CDK17: variants seen among roughly 807,000 people sequenced by gnomAD.
CDK17 encodes cyclin dependent kinase 17.
CDK17 carries 24 observed loss-of-function variants against 77.6 expected under a neutral mutation model. The observed-to-expected ratio is 0.31, with a 90% CI of 0.22 to 0.44. The LOEUF (loss-of-function observed/expected upper bound fraction) is 0.44. Among genes scored for constraint, CDK17 ranks in the 20% least tolerant of loss-of-function variants. CDK17 has a pLI of 1.00. For synonymous variants in CDK17, 203 were observed against 210.4 expected (o/e 0.96, Z 0.30); for missense variants, 429 against 622.5 (o/e 0.69, Z 3.31).
At chr12:96,382,092 ATC>A in intron 1 of CDK17, among the ~76,000 whole-genome samples, 2 of 151,796 alleles carry the variant, frequency 1.3e-5, no homozygotes, top group East Asian at 1.9e-4. Context: ...CTAGACATCT[ATC>A]TACCCTAAGG....
chr12:96,333,034 C>T (rs1172079390), intron 2 of CDK17, among the ~76,000 whole-genome samples: 2 of 152,020 alleles, frequency 1.3e-5, no homozygotes, highest in African/African-American at 2.4e-5. Context: ...CAGAAACCAA[C>T]CACTAAGATA....
At chr12:96,340,454 G>C (rs1486007983) in intron 1 of CDK17, among the ~76,000 whole-genome samples, 1 of 151,894 alleles carries the variant, frequency 6.6e-6, no homozygotes, top group East Asian at 1.9e-4. Flanking sequence ...TTAATCTGTG[G>C]TATAATTGTA....
intron 5 of CDK17, among the ~76,000 whole-genome samples, chr12:96,304,405 T>G (rs1040183600): frequency 6.6e-6 from 1 of 152,002 alleles, no homozygotes; most frequent in Non-Finnish European, 1.5e-5. Context: ...GGTGTGGTGG[T>G]GCATACCTAT....
Position 96,400,122 on chromosome 12 carries a change from G to A in CDK17, c.-166C>T, listed in dbSNP as rs1954236964. On this transcript the variant is annotated 5_prime_UTR_variant, in exon 1 of 17. Coordinates refer to ENST00000261211, the MANE Select transcript of CDK17 (RefSeq NM_002595.5). ...CAGACGTGAGGCGCTTCCGAGCGCA[G>A]GCCTCCGCCGCCACAGCCGCCTTCC... 2.5e-6 allele frequency: 1 copy of A among 393,152 alleles called. No homozygotes were observed. Among genetic ancestry groups the A allele is most frequent in the South Asian group, 1.3e-4 (1 of 7,758 alleles). 24.4% of individuals were successfully genotyped at this position (393,152 alleles called of 1,614,324 possible).
intron 1 of CDK17, among the ~76,000 whole-genome samples, chr12:96,379,369 A>AC (rs1186685667): frequency 2.6e-5 from 4 of 152,216 alleles, no homozygotes; most frequent in Non-Finnish European, 5.9e-5. Context: ...TCTTGATTAT[A>AC]AGATATGCTG....
intron 1 of CDK17, among the ~76,000 whole-genome samples, chr12:96,345,857 C>A (rs1953201890): frequency 1.3e-5 from 2 of 151,610 alleles, no homozygotes; most frequent in African/African-American, 2.4e-5. Context: ...AATAAAAGGG[C>A]AAAAATAAAA....
At chr12:96,368,005 C>T (rs1156829389) in intron 1 of CDK17, among the ~76,000 whole-genome samples, 2 of 151,950 alleles carry the variant, frequency 1.3e-5, no homozygotes, top group Non-Finnish European at 2.9e-5. Flanking sequence ...AAATGTCACA[C>T]TGCAGTATGA....
chr12:96,333,811 A>G (rs974283988), intron 2 of CDK17, among the ~76,000 whole-genome samples: 3 of 152,222 alleles, frequency 2.0e-5, no homozygotes, highest in Non-Finnish European at 4.4e-5. Context: ...GAGCTGGGTA[A>G]CCTTGAGCAA....
At chr12:96,385,991 A>G (rs909524101) in intron 1 of CDK17, among the ~76,000 whole-genome samples, 4 of 152,204 alleles carry the variant, frequency 2.6e-5, no homozygotes, top group African/African-American at 9.7e-5. Context: ...GGAGGGAAAA[A>G]TAAGATGGAA....
chr12:96,301,432 T>C (rs1952502712), intron 5 of CDK17, among the ~76,000 whole-genome samples: 1 of 152,054 alleles, frequency 6.6e-6, no homozygotes, highest in Non-Finnish European at 1.5e-5. Context: ...AGAAAAAACC[T>C]TAACACAAAA....
intron 3 of CDK17, among the ~76,000 whole-genome samples, chr12:96,316,486 C>CTCCA (rs1478142286): frequency 6.7e-6 from 1 of 148,920 alleles, no homozygotes; most frequent in Admixed American, 6.7e-5. Context: ...CCTTTGTAGG[C>CTCCA]TCCACCTCTG....
chr12:96,388,355 T>A (rs1954011295), intron 1 of CDK17, among the ~76,000 whole-genome samples: 1 of 152,118 alleles, frequency 6.6e-6, no homozygotes, highest in Non-Finnish European at 1.5e-5. Flanking sequence ...ACAATGCACA[T>A]CTTAGACTAT....
chr12:96,290,934 GTAT>G (rs1222208193), intron 10 of CDK17, among the ~76,000 whole-genome samples: 2 of 152,006 alleles, frequency 1.3e-5, no homozygotes, highest in Admixed American at 6.5e-5. Context: ...ATGTGATATG[GTAT>G]TATTATATAA....
intron 3 of CDK17, among the ~76,000 whole-genome samples, chr12:96,318,222 A>T (rs1265437033): frequency 6.6e-6 from 1 of 151,990 alleles, no homozygotes; most frequent in Non-Finnish European, 1.5e-5. Flanking sequence ...ATAATGGTAA[A>T]GGGATCAATT....
In CDK17 at chr12:96,323,964, T is replaced by C; in HGVS notation, c.267A>G (p.Arg89=). 6.3e-7 allele frequency: 1 copy of C among 1,592,330 alleles called. No individual in the cohort carries two copies. The highest frequency in any genetic ancestry group is 8.5e-7 in the Non-Finnish European group (1 of 1,169,640). ...GSLGSFMAMP[R]NGSRLDIVHE... Reference sequence around the variant, plus strand: ...TCAAATTACCTAATCTGCTTCCATTTCTGGGCATTGCCATGAAGGAGCCAA... The same window carrying C: ...TCAAATTACCTAATCTGCTTCCATTCCTGGGCATTGCCATGAAGGAGCCAA... The change falls in exon 3 of 17, where the codon AGA becomes AGG. Residue 89 remains arginine (R), a synonymous_variant. Coordinates refer to ENST00000261211, the MANE Select transcript of CDK17 (RefSeq NM_002595.5).
At chr12:96,375,085 C>T (rs945981099) in intron 1 of CDK17, among the ~76,000 whole-genome samples, 4 of 152,164 alleles carry the variant, frequency 2.6e-5, no homozygotes, top group Non-Finnish European at 5.9e-5. Flanking sequence ...CCATCTCCAC[C>T]ATCCACAATT....
At position 96,311,041 on chromosome 12, in the gene CDK17, CA is replaced by C; in HGVS notation, c.543+10del. ...GATTGATGGTGGAGGTATAGGAGAC[CA>C]AAAACTTACTAAGGAAGCTCTACGA... On this transcript the variant is annotated intron_variant, in intron 5 of 16. Coordinates refer to ENST00000261211, the MANE Select transcript of CDK17 (RefSeq NM_002595.5). 2 of 1,593,266 alleles carry C rather than the reference CA, an allele frequency of 1.3e-6. No homozygotes were observed. Among genetic ancestry groups the C allele is most frequent in the Admixed American group, 1.8e-5 (1 of 54,806 alleles).
At chr12:96,354,096 T>C (rs1005817840) in intron 1 of CDK17, among the ~76,000 whole-genome samples, 45 of 152,318 alleles carry the variant, frequency 3.0e-4, no homozygotes, top group African/African-American at 1.1e-3. Flanking sequence ...ACATCAATTC[T>C]GACAAGTGAA....
At chr12:96,368,535 C>A (rs1187710264) in intron 1 of CDK17, among the ~76,000 whole-genome samples, 3 of 152,126 alleles carry the variant, frequency 2.0e-5, no homozygotes, top group Non-Finnish European at 4.4e-5. Context: ...GGGCACCGTG[C>A]CTCCTAAAAT....
Sources: allele counts gnomAD v4.1 joint callset (sites outside exome capture counted in the v4.1 genomes callset), GRCh38; gene constraint gnomAD v4.1.1; transcripts MANE v1.5; gene names NCBI Gene and HGNC (gene_info 2026-07-23, HGNC 2026-07-21).